The following TRIQK variants were observed in gnomAD, a reference collection of about 807,000 sequenced individuals.
The protein encoded by TRIQK is triple QxxK/R motif containing, also known as triple QxxK/R motif-containing protein.
Under a neutral mutation model 10.8 loss-of-function variants are expected in TRIQK, and 10 were observed. The observed-to-expected ratio is 0.92, with a 90% CI of 0.57 to 1.57. TRIQK has a LOEUF of 1.57. Among genes scored for constraint, TRIQK ranks in the 40% most tolerant of loss-of-function variants. The pLI, the probability that TRIQK is intolerant of heterozygous loss-of-function variation, is 0.00. For missense variants in TRIQK, 107 were observed against 97.7 expected, an observed-to-expected ratio of 1.09 and a Z score of -0.40; for synonymous variants, 33 against 33.7, an observed-to-expected ratio of 0.98 and a Z score of 0.07.
At chr8:92,930,104 A>C (rs955314684) in intron 2 of TRIQK, among the ~76,000 whole-genome samples, 1 of 151,818 alleles carries the variant, frequency 6.6e-6, no homozygotes, top group Non-Finnish European at 1.5e-5. Context: ...TAGGCTGGGC[A>C]CAGTGGCTTA....
chr8:92,931,624 G>A (rs1437462319), intron 2 of TRIQK, among the ~76,000 whole-genome samples: 1 of 152,168 alleles, frequency 6.6e-6, no homozygotes, highest in Non-Finnish European at 1.5e-5. Flanking sequence ...AACTGGCTAA[G>A]AGACATGCTT....
intron 2 of TRIQK, among the ~76,000 whole-genome samples, chr8:92,931,107 A>C (rs908731059): frequency 6.6e-6 from 1 of 152,184 alleles, no homozygotes; most frequent in Non-Finnish European, 1.5e-5. Context: ...AGCAAAAAAG[A>C]CACTGCCTTT....
chr8:92,936,898 G>T (rs190490207), intron 2 of TRIQK, among the ~76,000 whole-genome samples: 16 of 151,790 alleles, frequency 1.1e-4, no homozygotes, highest in African/African-American at 3.9e-4. Context: ...ACCTCTAAAA[G>T]TATATGCATG....
intron 2 of TRIQK, among the ~76,000 whole-genome samples, chr8:92,950,269 A>G (rs1811825115): frequency 6.6e-6 from 1 of 152,136 alleles, no homozygotes; most frequent in South Asian, 2.1e-4. Context: ...GTGTATTTCA[A>G]AATGGTTCCT....
At chr8:92,901,811 A>G (rs375287285) in intron 3 of TRIQK, among the ~76,000 whole-genome samples, 1 of 152,050 alleles carries the variant, frequency 6.6e-6, no homozygotes, top group African/African-American at 2.4e-5. Flanking sequence ...AGTTTGAGTA[A>G]GATTGGTATT....
intron 3 of TRIQK, among the ~76,000 whole-genome samples, chr8:92,906,399 C>A (rs904090497): frequency 4.6e-5 from 7 of 152,080 alleles, no homozygotes; most frequent in Non-Finnish European, 1.0e-4. Context: ...TGGGACAACT[C>A]AAGTACTATT....
rs1813330893 is a variant in TRIQK, at chr8:93,011,219, T to TATAC, written c.-181+6386_-181+6389dup. Among the ~76,000 whole-genome samples, 3 of 151,648 alleles carry TATAC rather than the reference T, an allele frequency of 2.0e-5. No homozygotes were observed. The South Asian group carries it at 6.3e-4, about 32-fold the overall frequency. On this transcript the variant is annotated intron_variant, in intron 1 of 4. Transcript: ENST00000520686. ...ACACACACACACATATATATATATA[T>TATAC]ATACAGGAGGTATTTCTGTTGACCC...
intron 3 of TRIQK, among the ~76,000 whole-genome samples, chr8:92,913,911 T>A (rs1240993177): frequency 1.3e-5 from 2 of 151,756 alleles, no homozygotes; most frequent in East Asian, 3.9e-4. Flanking sequence ...TAAGTGGGGG[T>A]TGAACATTGA....
intron 1 of TRIQK, among the ~76,000 whole-genome samples, chr8:92,989,328 C>G (rs1196418857): frequency 6.6e-6 from 1 of 152,130 alleles, no homozygotes; most frequent in African/African-American, 2.4e-5. Flanking sequence ...TGGACTAGTA[C>G]CAGTCCGTGA....
chr8:92,981,238 T>C (rs2130743813), intron 1 of TRIQK, among the ~76,000 whole-genome samples: 1 of 151,976 alleles, frequency 6.6e-6, no homozygotes, highest in South Asian at 2.1e-4. Context: ...TGAGGTCTGT[T>C]TTCGGTGGCT....
chr8:92,893,882 G>A (rs1816881757), intron 3 of TRIQK, among the ~76,000 whole-genome samples: 1 of 151,930 alleles, frequency 6.6e-6, no homozygotes, highest in South Asian at 2.1e-4. Context: ...GGAATAAACA[G>A]ATGCAAGAGG....
chr8:93,000,337 C>T (rs971982653), intron 1 of TRIQK, among the ~76,000 whole-genome samples: 5 of 152,046 alleles, frequency 3.3e-5, no homozygotes, highest in African/African-American at 9.7e-5. Flanking sequence ...CTACATGGCC[C>T]GGGAGGCTTC....
intron 1 of TRIQK, among the ~76,000 whole-genome samples, chr8:92,991,380 C>T (rs530994610): frequency 1.3e-5 from 2 of 152,282 alleles, no homozygotes; most frequent in South Asian, 2.1e-4. Flanking sequence ...CAGTGGATCT[C>T]CCAGTACAGT....
chr8:92,947,665 T>A, intron 2 of TRIQK, among the ~76,000 whole-genome samples: 1 of 151,872 alleles, frequency 6.6e-6, no homozygotes. Context: ...TCCTTGTGAT[T>A]GAACATTTAA....
At chr8:92,984,511 G>A (rs1250168307) in intron 1 of TRIQK, among the ~76,000 whole-genome samples, 2 of 152,100 alleles carry the variant, frequency 1.3e-5, no homozygotes, top group Non-Finnish European at 2.9e-5. Context: ...AAAAAAGAAA[G>A]CATAATATAG....
At chr8:92,939,421 A>C (rs1375872773) in intron 2 of TRIQK, among the ~76,000 whole-genome samples, 1 of 152,128 alleles carries the variant, frequency 6.6e-6, no homozygotes, top group Non-Finnish European at 1.5e-5. Flanking sequence ...CCACACAGCC[A>C]AAATGCCTAC....
chr8:92,912,526 T>G (rs1217116322), intron 3 of TRIQK, among the ~76,000 whole-genome samples: 1 of 151,612 alleles, frequency 6.6e-6, no homozygotes, highest in Non-Finnish European at 1.5e-5. Context: ...AGAACAACCC[T>G]AAGCACAAAG....
intron 2 of TRIQK, chr8:92,926,140 TATTCATACAG>T (rs1426175448): frequency 6.6e-6 from 1 of 151,666 alleles, no homozygotes; most frequent in Admixed American, 6.6e-5. Flanking sequence ...AACTGTGGTT[TATTCATACAG>T]TGTAATACTA....
At chr8:92,960,611 T>C (rs1812410438) in intron 1 of TRIQK, 1 of 152,206 alleles carries the variant, frequency 6.6e-6, no homozygotes. Context: ...CCCTTCCAGA[T>C]GTGGTCAGGA....
Sources: allele counts gnomAD v4.1 joint callset (sites outside exome capture counted in the v4.1 genomes callset), GRCh38; gene constraint gnomAD v4.1.1; transcripts MANE v1.5; gene names NCBI Gene and HGNC (gene_info 2026-07-23, HGNC 2026-07-21).